CACNB2: variants seen among roughly 807,000 people sequenced by gnomAD.
CACNB2 encodes the protein calcium voltage-gated channel auxiliary subunit beta 2.
CACNB2 carries 42 observed loss-of-function variants against 73.3 expected under a neutral mutation model. That is an observed-to-expected ratio of 0.57 (90% CI 0.45 to 0.74). The LOEUF is 0.74. Ranked by LOEUF, CACNB2 falls within the 30% of genes least tolerant of loss-of-function variation. CACNB2 has a pLI of 0.00. For synonymous variants in CACNB2, 348 were observed against 310.3 expected, an observed-to-expected ratio of 1.12 and a Z score of -1.28; for missense variants, 940 against 853.0, an observed-to-expected ratio of 1.10 and a Z score of -1.27.
intron 2 of CACNB2, chr10:18,257,411 G>A (rs773809549): frequency 6.6e-6 from 1 of 152,212 alleles, no homozygotes; most frequent in African/African-American, 2.4e-5. Context: ...AAGTGCTAGG[G>A]ATATAGAGAT....
intron 2 of CACNB2, among the ~76,000 whole-genome samples, chr10:18,242,905 G>C (rs547002034): frequency 2.0e-5 from 3 of 151,138 alleles, no homozygotes; most frequent in Non-Finnish European, 4.4e-5. Flanking sequence ...AGCTATTCGG[G>C]AGGCTGAGTC....
rs559995842 is a variant in CACNB2 at position 18,535,479 on chromosome 10, T to TA, written c.1207-614dup. Among the ~76,000 whole-genome samples the TA allele has an allele frequency of 2.5e-3, 382 of 151,956 alleles. 4 individuals carry two copies. The highest frequency in any genetic ancestry group is 9.0e-3 in the African/African-American group (373 of 41,438). On this transcript the variant is annotated intron_variant, in intron 11 of 13. Coordinates refer to ENST00000324631, the MANE Select transcript of CACNB2 (RefSeq NM_201596.3). ...TGTGTAAAAATGTAGCTATTTTTAT[T>TA]AAAAAAAATTCGGCCGGGCGCAGTG... is the stretch of plus-strand genomic sequence containing the variant.
intron 2 of CACNB2, among the ~76,000 whole-genome samples, chr10:18,221,100 G>C (rs555100752): frequency 6.3e-4 from 96 of 152,326 alleles, no homozygotes; most frequent in African/African-American, 2.3e-3. Flanking sequence ...AGGGAGGAGA[G>C]AAGGGCAGGG....
Position 18,501,029 on chromosome 10 carries a change from CCTTTATTATGTATT to C in CACNB2, c.593+82_593+95del, listed in dbSNP as rs2050165952. The C allele has an allele frequency of 6.0e-6, 8 of 1,324,644 alleles. No homozygotes were observed. In the South Asian group the frequency reaches 8.4e-5, roughly 14 times the overall value. The allele number at this position is 1,324,644 out of a possible 1,614,324, so 82.1% of individuals were successfully genotyped here. Reference sequence around the variant, plus strand: ...TACTGTTGTCTGCTGTATTCTGTATCCTTTATTATGTATTAACAAGGAGGCTGGTAATATGGTTT... The same window carrying C: ...TACTGTTGTCTGCTGTATTCTGTATCAACAAGGAGGCTGGTAATATGGTTT... On this transcript the variant is annotated intron_variant, in intron 5 of 13. Transcript: ENST00000324631.
At chr10:18,155,008 TA>T (rs1355980456) in intron 2 of CACNB2, among the ~76,000 whole-genome samples, 6 of 152,194 alleles carry the variant, frequency 3.9e-5, no homozygotes, top group Admixed American at 3.9e-4. Context: ...CAATAGAGAT[TA>T]ATATATAATT....
chr10:18,367,207 G>T (rs2042389755), intron 2 of CACNB2, among the ~76,000 whole-genome samples: 1 of 98,938 alleles, frequency 1.0e-5, no homozygotes, highest in East Asian at 1.9e-3. Context: ...AAAACAAATA[G>T]TATTTTTTTT....
intron 3 of CACNB2, among the ~76,000 whole-genome samples, chr10:18,482,701 AG>A (rs1298897719): frequency 6.6e-6 from 1 of 151,930 alleles, no homozygotes. Flanking sequence ...TAGTAGAGAC[AG>A]GGTTTCACCA....
intron 2 of CACNB2, among the ~76,000 whole-genome samples, chr10:18,285,181 C>A (rs1323433476): frequency 6.6e-6 from 1 of 152,154 alleles, no homozygotes; most frequent in Non-Finnish European, 1.5e-5. Flanking sequence ...ACCCTGTATT[C>A]CTGTCTTTGT....
At chr10:18,411,817 A>G (rs1426047682) in intron 3 of CACNB2, among the ~76,000 whole-genome samples, 2 of 152,146 alleles carry the variant, frequency 1.3e-5, no homozygotes, top group Non-Finnish European at 2.9e-5. Context: ...CTCTTTAAGC[A>G]TGTAGAAATA....
intron 2 of CACNB2, among the ~76,000 whole-genome samples, chr10:18,302,720 G>A (rs964257857): frequency 6.6e-6 from 1 of 152,242 alleles, no homozygotes; most frequent in Middle Eastern, 3.4e-3. Context: ...TGGGAAGGGG[G>A]TGAGGGATAA....
chr10:18,377,209 G>A (rs1488262367), intron 2 of CACNB2, among the ~76,000 whole-genome samples: 1 of 152,196 alleles, frequency 6.6e-6, no homozygotes, highest in African/African-American at 2.4e-5. Context: ...GGGTATGTGA[G>A]AAGGGGAGGA....
intron 3 of CACNB2, among the ~76,000 whole-genome samples, chr10:18,417,187 ACAT>A (rs1221160661): frequency 1.4e-5 from 1 of 69,766 alleles, no homozygotes; most frequent in Non-Finnish European, 2.7e-5. Context: ...AAAAGTATAA[ACAT>A]CTTCGTGCAA....
intron 3 of CACNB2, among the ~76,000 whole-genome samples, chr10:18,477,665 A>AAG (rs1322256859): frequency 6.6e-6 from 1 of 152,118 alleles, no homozygotes; most frequent in Non-Finnish European, 1.5e-5. Context: ...TTTAAAGGGG[A>AAG]AGAGTGGGCT....
Position 18,505,337 on chromosome 10 carries a change from T to C in CACNB2, c.594-1134T>C, listed in dbSNP as rs534512630. The stretch of plus-strand genomic sequence containing the variant: ...CAGAAACTGCTTCTATAGATATCAC[T>C]TGTCATTAATTTCACATACTGTCTG... On this transcript the variant is annotated intron_variant, in intron 5 of 13. Transcript: ENST00000324631. Among the ~76,000 whole-genome samples, 3 of 152,290 alleles carry C rather than the reference T, an allele frequency of 2.0e-5. No individual in the cohort carries two copies. In the South Asian group the frequency reaches 6.2e-4, roughly 32 times the overall value.
At chr10:18,535,990 A>G (rs2053534148) in intron 11 of CACNB2, 111 bp from the exon 12 acceptor site, 3 of 689,568 alleles carry the variant, frequency 4.4e-6, no homozygotes, top group Non-Finnish European at 7.9e-6. Flanking sequence ...CATCTATTAT[A>G]AGCCCCTTGT....
intron 1 of CACNB2, among the ~76,000 whole-genome samples, chr10:18,142,642 A>T (rs1451152702): frequency 1.3e-5 from 2 of 152,220 alleles, no homozygotes; most frequent in Non-Finnish European, 2.9e-5. Context: ...AGAGTTCCTA[A>T]ATTCCTGGAC....
intron 2 of CACNB2, among the ~76,000 whole-genome samples, chr10:18,370,269 G>A (rs890806901): frequency 2.0e-5 from 3 of 151,874 alleles, no homozygotes; most frequent in African/African-American, 7.3e-5. Context: ...AGCTTGTTAG[G>A]AATGCAGTCT....
chr10:18,513,580 C>G (rs2050984912), intron 6 of CACNB2: 1 of 377,054 alleles, frequency 2.7e-6, no homozygotes, highest in Non-Finnish European at 5.3e-6. Context: ...TGCAAGTTGT[C>G]TCCACTGCTT....
intron 2 of CACNB2, among the ~76,000 whole-genome samples, chr10:18,358,148 A>G (rs1240966394): frequency 6.6e-6 from 1 of 152,240 alleles, no homozygotes; most frequent in African/African-American, 2.4e-5. Context: ...GGGCAGTGGC[A>G]CGATCTCAGC....
Sources: gnomAD v4.1 joint callset for allele counts (sites outside exome capture counted in the v4.1 genomes callset) on GRCh38, gnomAD v4.1.1 for gene constraint, MANE v1.5 for transcripts, NCBI Gene and HGNC (gene_info 2026-07-23, HGNC 2026-07-21) for gene names.